Variants in ZSCAN5A observed in about 807,000 individuals in gnomAD.
The protein encoded by ZSCAN5A is zinc finger and SCAN domain containing 5A.
A neutral mutation model predicts 23.7 loss-of-function variants in ZSCAN5A; 12 were observed. The observed-to-expected ratio is 0.51, with a 90% CI of 0.32 to 0.82. The LOEUF (loss-of-function observed/expected upper bound fraction) is 0.82. Ranked by LOEUF, ZSCAN5A falls within the 40% of genes least tolerant of loss-of-function variation. The pLI is 0.03. For synonymous variants in ZSCAN5A, 257 were observed against 239.9 expected, an observed-to-expected ratio of 1.07 and a Z score of -0.66; for missense variants, 597 against 617.9, an observed-to-expected ratio of 0.97 and a Z score of 0.36.
chr19:56,260,214 CTTTTTT>C (rs398041088), intron 2 of ZSCAN5A, among the ~76,000 whole-genome samples: 16 of 127,872 alleles, frequency 1.3e-4, no homozygotes, highest in East Asian at 9.0e-4. Context: ...TATTTTTTTA[CTTTTTT>C]TTTTTTTTTT....
intron 4 of ZSCAN5A, among the ~76,000 whole-genome samples, 166 bp downstream of exon 4, chr19:56,223,465 C>A (rs1047895737): frequency 1.3e-5 from 2 of 152,192 alleles, no homozygotes; most frequent in Non-Finnish European, 2.9e-5. Flanking sequence ...ATGAGGCTTC[C>A]CTCTCTGTGA....
intron 3 of ZSCAN5A, 131 bp downstream of exon 3, chr19:56,224,514 ACACTGCCATGTGTCCCCG>A (rs2033696958): frequency 9.1e-7 from 1 of 1,099,296 alleles, no homozygotes; most frequent in African/African-American, 1.5e-5. Context: ...CTGTCCCCAG[ACACTGCCATGTGTCCCCG>A]ACGGGCAAAC....
intron 2 of ZSCAN5A, among the ~76,000 whole-genome samples, chr19:56,356,900 G>A (rs1275743336): frequency 2.7e-5 from 4 of 148,622 alleles, no homozygotes; most frequent in East Asian, 1.9e-4. Flanking sequence ...GACTGAAGGA[G>A]TTCCTTTAGA....
chr19:56,321,246 G>T lies in ZSCAN5A; in HGVS notation c.-357-4978C>A, dbSNP rs2041372389. 9.0e-6 allele frequency: 6 copies of T among 669,894 alleles called. 2 individuals carry two copies. In the South Asian group the frequency reaches 9.1e-5, roughly 10 times the overall value. 41.5% of individuals were successfully genotyped at this position (669,894 alleles called of 1,614,324 possible). A position where few individuals can be genotyped will look rare whatever the true frequency, so the allele number is the denominator to read the frequency against. On this transcript the variant is annotated intron_variant, in intron 2 of 6. Transcript: ENST00000587340. ...TGGATGGTGTGTAATATCAGTTGGG[G>T]TATCAGTAGTGCCAGCAATCATCAT... is the stretch of plus-strand genomic sequence containing the variant.
chr19:56,276,949 C>CA lies in ZSCAN5A; in HGVS notation c.-128+36333dup, dbSNP rs534012474. Among the ~76,000 whole-genome samples the CA allele has an allele frequency of 6.3e-3, 961 of 151,998 alleles. 8 individuals are homozygous for CA. The highest frequency in any genetic ancestry group is 0.044 in the Middle Eastern group (13 of 294). On this transcript the variant is annotated intron_variant, in intron 2 of 5. Coordinates refer to ENST00000683990, the MANE Select transcript of ZSCAN5A (RefSeq NM_001322064.3). ...TTACAAATACAAATACTTATATTTA[C>CA]AAAAACTATTTCTATTTACAAATAA...
At chr19:56,294,176 G>A (rs774034055) in intron 2 of ZSCAN5A, among the ~76,000 whole-genome samples, 2 of 151,922 alleles carry the variant, frequency 1.3e-5, no homozygotes, top group African/African-American at 2.4e-5. Context: ...CTCCAGTAAC[G>A]AGCAAAAGCC....
intron 2 of ZSCAN5A, among the ~76,000 whole-genome samples, chr19:56,270,989 A>G (rs114481187): frequency 5.8e-4 from 88 of 152,346 alleles, no homozygotes; most frequent in African/African-American, 2.0e-3. Context: ...CTGGCAGAGC[A>G]GATAATGCTA....
intron 2 of ZSCAN5A, among the ~76,000 whole-genome samples, chr19:56,305,882 A>C (rs1210796135): frequency 6.6e-6 from 1 of 151,536 alleles, no homozygotes; most frequent in Non-Finnish European, 1.5e-5. Flanking sequence ...CAAGTGAAAG[A>C]GCCTCCAGGT....
At chr19:56,323,217 G>T (rs1263621191) in intron 2 of ZSCAN5A, among the ~76,000 whole-genome samples, 1 of 151,734 alleles carries the variant, frequency 6.6e-6, no homozygotes, top group Non-Finnish European at 1.5e-5. Flanking sequence ...AATATTTTTT[G>T]GAGACCGGCT....
intron 2 of ZSCAN5A, chr19:56,347,810 T>G (rs2041644027): frequency 6.6e-6 from 1 of 152,162 alleles, no homozygotes; most frequent in African/African-American, 2.4e-5. Flanking sequence ...AAGTGGCCAC[T>G]TCGGTCTTTA....
chr19:56,282,526 C>A (rs1032248982), intron 2 of ZSCAN5A: 1 of 985,268 alleles, frequency 1.0e-6, no homozygotes, highest in Non-Finnish European at 1.2e-6. Flanking sequence ...ATCTCTTTCC[C>A]TTTGGGGTCT....
chr19:56,251,634 T>C (rs769343960), intron 2 of ZSCAN5A, among the ~76,000 whole-genome samples: 2 of 152,230 alleles, frequency 1.3e-5, no homozygotes, highest in African/African-American at 4.8e-5. Context: ...CATAGCTTAC[T>C]GAAGCCTTGA....
At chr19:56,238,004 T>TAA (rs2035098532) in intron 2 of ZSCAN5A, among the ~76,000 whole-genome samples, 4 of 5,416 alleles carry the variant, frequency 7.4e-4, no homozygotes, top group African/African-American at 1.3e-3. Flanking sequence ...TACGCACACA[T>TAA]ACACACACAC....
Position 56,351,237 on chromosome 19 carries a change from G to A in ZSCAN5A, c.-358+11998C>T, listed in dbSNP as rs1460542151. Among the ~76,000 whole-genome samples, 2 of 152,066 alleles carry A rather than the reference G, an allele frequency of 1.3e-5. No individual in the cohort carries two copies. Among genetic ancestry groups the A allele is most frequent in the Non-Finnish European group, 2.9e-5 (2 of 68,022 alleles). On this transcript the variant is annotated intron_variant, in intron 2 of 6. Transcript: ENST00000587340. This position sits in a 1 kb window ranked among gnomAD's most constrained non-coding sequence, Gnocchi z 4.8. Reference sequence around the variant, plus strand: ...AAAAGGCGGCTTCAAGGGCCGGGCTGACAAGCTTTGATATGCAAATGCTGG... The same window carrying A: ...AAAAGGCGGCTTCAAGGGCCGGGCTAACAAGCTTTGATATGCAAATGCTGG...
At chr19:56,306,888 C>T (rs1429681094) in intron 2 of ZSCAN5A, among the ~76,000 whole-genome samples, 2 of 61,910 alleles carry the variant, frequency 3.2e-5, no homozygotes, top group South Asian at 7.9e-4. Flanking sequence ...TCTCCCACGT[C>T]GCCAGAGAAA....
chr19:56,326,967 G>T (rs913547325), intron 2 of ZSCAN5A, among the ~76,000 whole-genome samples: 1 of 152,032 alleles, frequency 6.6e-6, no homozygotes, highest in African/African-American at 2.4e-5. Flanking sequence ...AGTGCTATAT[G>T]CTGACCCACC....
At chr19:56,365,673 C>T (rs1436068009) in intron 1 of ZSCAN5A, 1 of 152,204 alleles carries the variant, frequency 6.6e-6, no homozygotes, top group Non-Finnish European at 1.5e-5. Context: ...AAGCTACTGC[C>T]TCCAAAGTTG....
chr19:56,325,553 C>T (rs926258841), intron 2 of ZSCAN5A, among the ~76,000 whole-genome samples: 16 of 152,192 alleles, frequency 1.1e-4, no homozygotes, highest in African/African-American at 3.6e-4. Flanking sequence ...TTATCCCTGC[C>T]TGAAAACTGT....
chr19:56,261,193 G>C (rs1210173618), intron 2 of ZSCAN5A, among the ~76,000 whole-genome samples: 1 of 147,700 alleles, frequency 6.8e-6, no homozygotes, highest in Non-Finnish European at 1.5e-5. Context: ...GGGTGACAGA[G>C]CAAGACTCTC....
Sources: allele counts gnomAD v4.1 joint callset (sites outside exome capture counted in the v4.1 genomes callset), GRCh38; gene constraint gnomAD v4.1.1; non-coding constraint Gnocchi (gnomAD v3.1); transcripts MANE v1.5; gene names NCBI Gene and HGNC (gene_info 2026-07-23, HGNC 2026-07-21).